CACNB2: variants seen among roughly 807,000 people sequenced by gnomAD.
CACNB2 encodes the protein calcium voltage-gated channel auxiliary subunit beta 2.
CACNB2 carries 42 observed loss-of-function variants against 73.3 expected under a neutral mutation model. The observed-to-expected ratio is 0.57, with a 90% confidence interval of 0.45 to 0.74. The LOEUF is 0.74. Among genes scored for constraint, CACNB2 ranks in the 30% least tolerant of loss-of-function variants. The probability of loss-of-function intolerance (pLI) is 0.00; values close to 1 mark genes in which losing one functional copy is unlikely to be tolerated. For synonymous variants in CACNB2, 348 were observed against 310.3 expected, an observed-to-expected ratio of 1.12 and a Z score of -1.28; for missense variants, 940 against 853.0, an observed-to-expected ratio of 1.10 and a Z score of -1.27.
At chr10:18,480,157 T>A (rs1338799831) in intron 3 of CACNB2, among the ~76,000 whole-genome samples, 1 of 152,196 alleles carries the variant, frequency 6.6e-6, no homozygotes. Flanking sequence ...CTCAAATATA[T>A]GTTCATTTTT....
At chr10:18,246,844 T>C (rs2036880066) in intron 2 of CACNB2, among the ~76,000 whole-genome samples, 1 of 152,188 alleles carries the variant, frequency 6.6e-6, no homozygotes, top group South Asian at 2.1e-4. Context: ...ACTCCTGGCC[T>C]CAGGCAGTCT....
chr10:18,271,785 G>A (rs563844846), intron 2 of CACNB2, among the ~76,000 whole-genome samples: 2 of 152,194 alleles, frequency 1.3e-5, no homozygotes, highest in African/African-American at 4.8e-5. Flanking sequence ...GTATTACATT[G>A]AGATAACAGC....
chr10:18,199,123 G>A lies in CACNB2; in HGVS notation c.213+48148G>A, dbSNP rs117901481. Among the ~76,000 whole-genome samples the A allele has an allele frequency of 1.8e-3, 277 of 152,162 alleles. 4 individuals carry two copies. In the East Asian group the frequency reaches 0.046, roughly 25 times the overall value. On this transcript the variant is annotated intron_variant, in intron 2 of 13. Transcript: ENST00000324631. ...AAAGTACTAGCAAAAAAGCATGATA[G>A]GCACATTGAAACTGTGAAGGTACCA... is the stretch of plus-strand genomic sequence containing the variant.
intron 2 of CACNB2, among the ~76,000 whole-genome samples, chr10:18,223,679 T>G (rs190849367): frequency 6.6e-6 from 1 of 152,176 alleles, no homozygotes; most frequent in Non-Finnish European, 1.5e-5. Context: ...CATTTAAAAG[T>G]ACTACAGTCT....
chr10:18,185,049 A>C (rs2034087209), intron 2 of CACNB2, among the ~76,000 whole-genome samples: 1 of 151,982 alleles, frequency 6.6e-6, no homozygotes, highest in Admixed American at 6.6e-5. Flanking sequence ...ATGTTTCCCA[A>C]GCTGGTCTCA....
intron 2 of CACNB2, among the ~76,000 whole-genome samples, chr10:18,189,068 C>T (rs1053936024): frequency 2.0e-5 from 3 of 152,124 alleles, no homozygotes; most frequent in African/African-American, 7.2e-5. Flanking sequence ...CTCAAGCCAT[C>T]CTCTTGCCTC....
At chr10:18,339,661 T>C (rs989065452) in intron 2 of CACNB2, among the ~76,000 whole-genome samples, 1 of 152,210 alleles carries the variant, frequency 6.6e-6, no homozygotes, top group Non-Finnish European at 1.5e-5. Context: ...TCTGTTGCAA[T>C]GACTGCTCTT....
intron 2 of CACNB2, among the ~76,000 whole-genome samples, chr10:18,288,704 C>CACACACAG (rs746197406): frequency 6.6e-6 from 1 of 151,246 alleles, no homozygotes; most frequent in African/African-American, 2.4e-5. Flanking sequence ...CACACACACA[C>CACACACAG]AGAGATACCC....
Position 18,538,342 on chromosome 10 carries a change from C to T in CACNB2, c.1465C>T (p.Pro489Ser). 2 of 1,614,058 alleles carry T rather than the reference C, an allele frequency of 1.2e-6. No homozygotes were observed. The highest frequency in any genetic ancestry group is 1.7e-6 in the Non-Finnish European group (2 of 1,179,970). ...AGCCACTTCAAGTCTGCCTCTTAGC[C>T]CCACCCTAGCCTCTAATTCACAGGT... ...TLATSSLPLS[P>S]TLASNSQGSQ... Residue 489 changes from proline to serine, a missense_variant, in exon 13 of 14, where the codon CCC (proline) becomes TCC (serine). Transcript: ENST00000324631.
rs145143398 is a variant in CACNB2 at position 18,377,494 on chromosome 10, C to T, written c.214-24430C>T. ...TCCATAAAAGCAGCCATGAACAATT[C>T]GTACAAGACTAAGTGTGGCCATGTT... On this transcript the variant is annotated intron_variant, in intron 2 of 13. Transcript: ENST00000324631. Among the ~76,000 whole-genome samples, 511 of 152,296 alleles carry T rather than the reference C, an allele frequency of 3.4e-3. 2 individuals are homozygous for T. Among genetic ancestry groups the T allele is most frequent in the African/African-American group, 0.012 (491 of 41,566 alleles).
At chr10:18,461,168 C>T (rs2047555776) in intron 3 of CACNB2, among the ~76,000 whole-genome samples, 1 of 152,178 alleles carries the variant, frequency 6.6e-6, no homozygotes, top group Admixed American at 6.5e-5. Context: ...CACACCTCGG[C>T]CTCCCAAAGT....
chr10:18,262,255 C>T (rs1487747562), intron 2 of CACNB2, among the ~76,000 whole-genome samples: 1 of 128,786 alleles, frequency 7.8e-6, no homozygotes, highest in Non-Finnish European at 1.5e-5. Flanking sequence ...GTGAGACTTA[C>T]AGGACAAACA....
chr10:18,402,141 A>C (rs142613725), intron 3 of CACNB2, 98 bp downstream of exon 3: 4 of 1,327,662 alleles, frequency 3.0e-6, no homozygotes, highest in East Asian at 4.6e-5. Flanking sequence ...TTGATCTATT[A>C]GAGAATTTCA....
intron 2 of CACNB2, among the ~76,000 whole-genome samples, chr10:18,315,264 G>A (rs936130429): frequency 6.6e-5 from 10 of 151,936 alleles, no homozygotes; most frequent in African/African-American, 1.7e-4. Context: ...AACTTGGGAG[G>A]TGGAGGTTGC....
At chr10:18,172,924 C>CTTT (rs58345605) in intron 2 of CACNB2, among the ~76,000 whole-genome samples, 1 of 117,478 alleles carries the variant, frequency 8.5e-6, no homozygotes, top group South Asian at 2.9e-4. Flanking sequence ...ATAATAAGGC[C>CTTT]TTTTTTTTTT....
At chr10:18,367,627 T>A (rs2042410499) in intron 2 of CACNB2, among the ~76,000 whole-genome samples, 1 of 152,184 alleles carries the variant, frequency 6.6e-6, no homozygotes, top group Admixed American at 6.5e-5. Flanking sequence ...TAATTAGGAT[T>A]CTGTATTGTT....
intron 2 of CACNB2, among the ~76,000 whole-genome samples, chr10:18,335,547 C>T (rs7092002): frequency 0.51 from 77,273 of 151,888 alleles, 20,308 homozygotes; most frequent in African/African-American, 0.63. Context: ...TGAGCCAAGA[C>T]GCTCTCCAGC....
chr10:18,340,819 T>G, intron 2 of CACNB2: 1 of 1,610,994 alleles, frequency 6.2e-7, no homozygotes. Flanking sequence ...GCAGTTGCTA[T>G]GCTGTTCAGC....
chr10:18,435,253 A>G (rs1440040638), intron 3 of CACNB2, among the ~76,000 whole-genome samples: 1 of 152,210 alleles, frequency 6.6e-6, no homozygotes, highest in Non-Finnish European at 1.5e-5. Context: ...TTAGATGGGA[A>G]AGTATAAGGC....
Sources: allele counts gnomAD v4.1 joint callset (sites outside exome capture counted in the v4.1 genomes callset), GRCh38; gene constraint gnomAD v4.1.1; transcripts MANE v1.5; gene names NCBI Gene and HGNC (gene_info 2026-07-23, HGNC 2026-07-21).